Variants in DMD observed in about 807,000 individuals in gnomAD.
The protein encoded by DMD is mutant dystrophin.
Under a neutral mutation model 330.1 loss-of-function variants are expected in DMD, and 63 were observed. That is an observed-to-expected ratio of 0.19 (90% confidence interval 0.16 to 0.24). DMD has a LOEUF of 0.24. Among genes scored for constraint, DMD ranks in the 10% least tolerant of loss-of-function variants. DMD has a pLI of 1.00. For synonymous variants in DMD, 1,223 were observed against 959.8 expected, an observed-to-expected ratio of 1.27 and a Z score of -5.07; for missense variants, 3,344 against 2,684.1, an observed-to-expected ratio of 1.25 and a Z score of -5.43.
At chrX:31,793,850 A>G (rs1347907129) in intron 50 of DMD, among the ~76,000 whole-genome samples, 1 of 112,103 alleles carries the variant, frequency 8.9e-6, no homozygotes, top group Non-Finnish European at 1.9e-5. Flanking sequence ...GCCCTTGACA[A>G]AAGGAGATAA....
chrX:32,566,788 A>G (rs2051770481), intron 15 of DMD, among the ~76,000 whole-genome samples: 1 of 111,765 alleles, frequency 8.9e-6, no homozygotes, highest in Non-Finnish European at 1.9e-5. Flanking sequence ...TACACAGACA[A>G]ATTCAATTCC....
rs2095482889 is a variant in DMD at position 31,982,609 on chromosome X, GA to G, written c.6439-14096del. On this transcript the variant is annotated intron_variant, in intron 44 of 78. Coordinates refer to ENST00000357033, the MANE Select transcript of DMD (RefSeq NM_004006.3). ...ATGAAGAGACATACGTTTATGATCA[GA>G]AAAAAATAACCCTCTACCCATTTGG... Among the ~76,000 whole-genome samples, 5 of 110,963 alleles carry G rather than the reference GA, an allele frequency of 4.5e-5. No individual in the cohort carries two copies. In the South Asian group the frequency reaches 1.9e-3, roughly 42 times the overall value.
chrX:33,278,845 G>A (rs752583132), intron 1 of DMD, among the ~76,000 whole-genome samples: 12 of 111,444 alleles, frequency 1.1e-4, no homozygotes, highest in Non-Finnish European at 1.9e-4. Flanking sequence ...TAATGATAAA[G>A]GGTGTAATTC....
intron 44 of DMD, among the ~76,000 whole-genome samples, chrX:32,004,479 CCA>C (rs958810937): frequency 9.0e-6 from 1 of 111,437 alleles, no homozygotes; most frequent in Admixed American, 9.5e-5. Flanking sequence ...GCTGTTTTAT[CCA>C]CAGATATGTG....
At chrX:32,346,386 C>CT (rs1466824386) in intron 38 of DMD, among the ~76,000 whole-genome samples, 1 of 110,876 alleles carries the variant, frequency 9.0e-6, no homozygotes, top group Non-Finnish European at 1.9e-5. Context: ...ATTCTTTTGG[C>CT]TTTTTTAGTG....
At chrX:32,836,340 AT>A (rs764676734) in intron 4 of DMD, among the ~76,000 whole-genome samples, 251 of 110,555 alleles carry the variant, frequency 2.3e-3, no homozygotes, top group African/African-American at 8.1e-3. Context: ...CCTCAACTTC[AT>A]TTTTTATAAT....
Position 32,697,971 on chromosome X carries a change from C to G in DMD, c.859G>C (p.Glu287Gln). The G allele has an allele frequency of 1.7e-6, 2 of 1,200,826 alleles. No individual in the cohort carries two copies. Among genetic ancestry groups the G allele is most frequent in the Non-Finnish European group, 2.2e-6 (2 of 890,117 alleles). ...CGAGGCTTAGGGGAAGAAGTTCTCT[C>G]ATATCCCTGTGCTAGACTGACCGTG... The part of the protein sequence containing the change: ...QITVSLAQGY[E>Q]RTSSPKPRFK... The change falls in exon 9 of 79, where the codon GAG (glutamate) becomes CAG (glutamine). Residue 287 changes from glutamate to glutamine, a missense_variant. Physicochemically the swap from Glu to Gln is conservative, Grantham distance 29. Coordinates refer to ENST00000357033, the MANE Select transcript of DMD (RefSeq NM_004006.3).
intron 7 of DMD, among the ~76,000 whole-genome samples, chrX:32,797,560 G>T (rs180723517): frequency 1.8e-5 from 2 of 112,148 alleles, no homozygotes; most frequent in Admixed American, 1.9e-4. Context: ...AATATCTCAT[G>T]TATTCCTTCA....
chrX:32,470,303 A>G (rs1472589067), intron 22 of DMD, among the ~76,000 whole-genome samples: 1 of 110,758 alleles, frequency 9.0e-6, no homozygotes, highest in African/African-American at 3.3e-5. Flanking sequence ...AATGTTTGTG[A>G]TTGTTTCCAT....
At chrX:32,648,874 C>A (rs1316343387) in intron 9 of DMD, among the ~76,000 whole-genome samples, 2 of 111,599 alleles carry the variant, frequency 1.8e-5, no homozygotes, top group African/African-American at 6.5e-5. Context: ...GTCATGGCAT[C>A]AAATGAAGAG....
chrX:31,671,196 G>A (rs763883009), intron 53 of DMD, among the ~76,000 whole-genome samples: 4 of 112,307 alleles, frequency 3.6e-5, no homozygotes, highest in Non-Finnish European at 7.5e-5. Flanking sequence ...ACAGGCGTGA[G>A]CCACCACACC....
In DMD at chrX:32,573,498, T is replaced by C. The variant is rs769765088; in HGVS notation, c.1812+32A>G. ...GTGATAATATACAGTACTGGGTTTT[T>C]ATAAGACCATTGAAAGCTAGAAAGT... On this transcript the variant is annotated intron_variant, in intron 15 of 78. Coordinates refer to ENST00000357033, the MANE Select transcript of DMD (RefSeq NM_004006.3). The C allele has an allele frequency of 1.2e-5, 13 of 1,110,429 alleles. No individual in the cohort carries two copies. In the South Asian group the frequency reaches 1.3e-4, roughly 11 times the overall value. 91.5% of individuals were successfully genotyped at this position (1,110,429 alleles called of 1,213,427 possible). A position where few individuals can be genotyped will look rare whatever the true frequency, so the allele number is the denominator to read the frequency against.
At chrX:33,108,868 G>GGAAAAAAAAAAAAAAAAAAAAAA (rs2095315156) in intron 1 of DMD, among the ~76,000 whole-genome samples, 2 of 24,230 alleles carry the variant, frequency 8.3e-5, no homozygotes, top group Non-Finnish European at 1.9e-4. Flanking sequence ...CTCCGTTTCG[G>GGAAAAAAAAAAAAAAAAAAAAAA]AAAAAAAAAA....
At chrX:32,769,124 A>C (rs1305599236) in intron 7 of DMD, among the ~76,000 whole-genome samples, 1 of 112,475 alleles carries the variant, frequency 8.9e-6, no homozygotes, top group Non-Finnish European at 1.9e-5. Flanking sequence ...ATATAGAAAA[A>C]TATTAGTCAC....
At chrX:32,200,388 C>CACATGTAATTTGAAATT (rs757948325) in intron 44 of DMD, among the ~76,000 whole-genome samples, 4 of 111,556 alleles carry the variant, frequency 3.6e-5, no homozygotes, top group African/African-American at 6.5e-5. Context: ...TCAAAATATA[C>CACATGTAATTTGAAATT]ACATGTAATT....
chrX:32,376,224 G>T (rs969113594), intron 34 of DMD, among the ~76,000 whole-genome samples: 1 of 111,686 alleles, frequency 9.0e-6, no homozygotes, highest in African/African-American at 3.3e-5. Context: ...GCAGTGAGCC[G>T]AGATCGGGCC....
chrX:32,126,632 A>T (rs1057110980), intron 44 of DMD, among the ~76,000 whole-genome samples: 2 of 112,052 alleles, frequency 1.8e-5, no homozygotes, highest in East Asian at 5.7e-4. Context: ...CTTCTTCCTT[A>T]ATAGGGGAAG....
chrX:31,371,941 T>A (rs2059601345), intron 60 of DMD, among the ~76,000 whole-genome samples: 1 of 111,951 alleles, frequency 8.9e-6, no homozygotes, highest in Admixed American at 9.5e-5. Context: ...AGTTTCTGCT[T>A]TTGTATCTAA....
At chrX:32,978,166 A>T (rs1734515999) in intron 2 of DMD, among the ~76,000 whole-genome samples, 1 of 111,833 alleles carries the variant, frequency 8.9e-6, no homozygotes, top group African/African-American at 3.3e-5. Context: ...GGGCAGGAAG[A>T]GTTTACTACA....
Sources: allele counts gnomAD v4.1 joint callset (sites outside exome capture counted in the v4.1 genomes callset), GRCh38; gene constraint gnomAD v4.1.1; transcripts MANE v1.5; gene names NCBI Gene and HGNC (gene_info 2026-07-23, HGNC 2026-07-21).